The following LDLRAD4 variants were observed in gnomAD, a reference collection of about 807,000 sequenced individuals.
LDLRAD4 encodes the protein low density lipoprotein receptor class A domain containing 4, also known as low-density lipoprotein receptor class A domain-containing protein 4.
In LDLRAD4, 5 loss-of-function variants were observed where a neutral mutation model predicts 17.0. The ratio of observed to expected loss-of-function variants is 0.29; its 90% confidence interval spans 0.15 to 0.62. The LOEUF (loss-of-function observed/expected upper bound fraction) is 0.62, where lower values mean the gene tolerates loss of function less well. Among genes scored for constraint, LDLRAD4 ranks in the 20% least tolerant of loss-of-function variants. The pLI, the probability that LDLRAD4 is intolerant of heterozygous loss-of-function variation, is 0.84. For synonymous variants in LDLRAD4, 168 were observed against 171.8 expected (o/e 0.98, Z 0.17); for missense variants, 340 against 424.7 (o/e 0.80, Z 1.75).
chr18:13,386,534 A>T (rs971880252), intron 1 of LDLRAD4, among the ~76,000 whole-genome samples: 3 of 151,792 alleles, frequency 2.0e-5, no homozygotes, highest in African/African-American at 7.3e-5. Flanking sequence ...CACTTGGCTA[A>T]TTTTTTTGTA....
At chr18:13,354,191 G>T (rs778422467) in intron 1 of LDLRAD4, among the ~76,000 whole-genome samples, 4 of 152,086 alleles carry the variant, frequency 2.6e-5, no homozygotes, top group African/African-American at 9.7e-5. Context: ...TTGCCCTCCA[G>T]CCTTGGCAAT....
chr18:13,647,519 A>T (rs1412518094), exon 6 of LDLRAD4: 1 of 152,260 alleles, frequency 6.6e-6, no homozygotes, highest in Non-Finnish European at 1.5e-5. Context: ...CTCGAAGGTG[A>T]TCCGTCGGTG....
At chr18:13,413,777 A>G (rs2088597217) in intron 2 of LDLRAD4, among the ~76,000 whole-genome samples, 1 of 151,890 alleles carries the variant, frequency 6.6e-6, no homozygotes, top group Non-Finnish European at 1.5e-5. Flanking sequence ...AGGAGAGAGT[A>G]TGGTTGGGCT....
At chr18:13,220,640 T>C (rs2041396908) in intron 1 of LDLRAD4, among the ~76,000 whole-genome samples, 1 of 152,250 alleles carries the variant, frequency 6.6e-6, no homozygotes, top group Non-Finnish European at 1.5e-5. Context: ...AATAGTTTTC[T>C]TGCCTGGCAC....
chr18:13,462,968 G>A (rs1206538429), intron 3 of LDLRAD4, among the ~76,000 whole-genome samples: 3 of 152,138 alleles, frequency 2.0e-5, no homozygotes, highest in African/African-American at 7.2e-5. Flanking sequence ...GGCTCTCTAG[G>A]GCAAGCTGAA....
chr18:13,292,542 G>A (rs2046022873), intron 1 of LDLRAD4, among the ~76,000 whole-genome samples: 1 of 152,204 alleles, frequency 6.6e-6, no homozygotes. Context: ...GAGAGAGGAT[G>A]CCATTGGGGT....
chr18:13,407,121 G>C (rs1217451535), intron 2 of LDLRAD4, among the ~76,000 whole-genome samples: 6 of 152,122 alleles, frequency 3.9e-5, no homozygotes, highest in African/African-American at 1.2e-4. Context: ...TGTGTACTGT[G>C]TGTAGGATGC....
intron 1 of LDLRAD4, among the ~76,000 whole-genome samples, chr18:13,353,241 T>A (rs1018845518): frequency 6.6e-6 from 1 of 152,202 alleles, no homozygotes. Flanking sequence ...CACTTCCTCC[T>A]GTCTTTCTAG....
intron 3 of LDLRAD4, among the ~76,000 whole-genome samples, chr18:13,524,907 G>A (rs1372265034): frequency 1.3e-5 from 2 of 152,222 alleles, no homozygotes; most frequent in African/African-American, 4.8e-5. Flanking sequence ...GTTGGCGTGT[G>A]TCACTCTCCA....
intron 1 of LDLRAD4, among the ~76,000 whole-genome samples, chr18:13,245,769 A>G (rs2042925201): frequency 6.6e-6 from 1 of 152,210 alleles, no homozygotes; most frequent in Non-Finnish European, 1.5e-5. Flanking sequence ...GGTGAGGGGC[A>G]GGGCCCTTGC....
intron 3 of LDLRAD4, among the ~76,000 whole-genome samples, chr18:13,537,863 C>T (rs139611484): frequency 1.6e-4 from 25 of 152,224 alleles, no homozygotes; most frequent in African/African-American, 4.1e-4. Context: ...TTAACTGATA[C>T]GGGGCTCTTC....
chr18:13,363,883 GC>G (rs2083868679), intron 1 of LDLRAD4, among the ~76,000 whole-genome samples: 1 of 152,144 alleles, frequency 6.6e-6, no homozygotes, highest in African/African-American at 2.4e-5. Flanking sequence ...ACCACGCTTG[GC>G]TTTTTCAGTG....
At chr18:13,532,404 C>G (rs2147836971) in intron 3 of LDLRAD4, among the ~76,000 whole-genome samples, 1 of 152,294 alleles carries the variant, frequency 6.6e-6, no homozygotes, top group African/African-American at 2.4e-5. Flanking sequence ...GTGCTAGTTA[C>G]TAGGATTTGG....
At chr18:13,363,382 G>T (rs2083833881) in intron 1 of LDLRAD4, among the ~76,000 whole-genome samples, 3 of 151,752 alleles carry the variant, frequency 2.0e-5, no homozygotes, top group South Asian at 4.2e-4. Context: ...GGTTAGGTGG[G>T]CAGGCTTCAT....
At chr18:13,522,867 A>C (rs2093973724) in intron 3 of LDLRAD4, 1 of 152,300 alleles carries the variant, frequency 6.6e-6, no homozygotes, top group African/African-American at 2.4e-5. Context: ...GTTATCTTAA[A>C]TGTATGTACG....
At chr18:13,578,582 A>AGAAGGCT (rs2094807095) in intron 3 of LDLRAD4, among the ~76,000 whole-genome samples, 1 of 152,228 alleles carries the variant, frequency 6.6e-6, no homozygotes, top group South Asian at 2.1e-4. Context: ...CTTCAGCGGA[A>AGAAGGCT]GAAGGCGTGC....
chr18:13,333,588 G>A (rs998886310), intron 1 of LDLRAD4, among the ~76,000 whole-genome samples: 23 of 152,320 alleles, frequency 1.5e-4, no homozygotes, highest in African/African-American at 5.3e-4. Context: ...TGTGAAGGGT[G>A]TAAGGTATGT....
At chr18:13,601,611 G>A (rs573748663) in intron 3 of LDLRAD4, among the ~76,000 whole-genome samples, 11 of 147,704 alleles carry the variant, frequency 7.4e-5, no homozygotes, top group East Asian at 6.1e-4. Context: ...CCAAGATTGC[G>A]CCACGGCACT....
At chr18:13,484,882 T>A (rs75828480) in intron 3 of LDLRAD4, among the ~76,000 whole-genome samples, 2,373 of 152,306 alleles carry the variant, frequency 0.016, 29 homozygotes, top group Non-Finnish European at 0.025. Flanking sequence ...CACCCTTGGA[T>A]GCAGTCATAT....
Sources: allele counts gnomAD v4.1 joint callset (sites outside exome capture counted in the v4.1 genomes callset), GRCh38; gene constraint gnomAD v4.1.1; transcripts MANE v1.5; gene names NCBI Gene and HGNC (gene_info 2026-07-23, HGNC 2026-07-21).